MDN1: variants seen among roughly 807,000 people sequenced by gnomAD.
MDN1 encodes the protein midasin.
In MDN1, 266 loss-of-function variants were observed where a neutral mutation model predicts 669.2. The observed-to-expected ratio is 0.40, with a 90% confidence interval of 0.36 to 0.44. The LOEUF (loss-of-function observed/expected upper bound fraction) is 0.44. Among genes scored for constraint, MDN1 ranks in the 20% least tolerant of loss-of-function variants. MDN1 has a pLI of 1.00. For synonymous variants in MDN1, 2,385 were observed against 2,457.1 expected, an observed-to-expected ratio of 0.97 and a Z score of 0.87; for missense variants, 5,940 against 6,754.0, an observed-to-expected ratio of 0.88 and a Z score of 4.22.
In MDN1 at chr6:89,688,805, A is replaced by T. The variant is rs1584193583; in HGVS notation, c.11027T>A (p.Val3676Asp). ...GCCCAAGAGTCGGTCATTCAGTTCA[A>T]CTCCTGTGAAGTTAACATCACGGTA... ...LVTHFYPLMG[V>D]ELNDRLLGSQ... Residue 3676 changes from valine (V) to aspartate (D), a missense_variant, in exon 66 of 102, where the codon GTT becomes GAT. Physicochemically the swap from Val to Asp is radical, Grantham distance 152. Coordinates refer to ENST00000369393, the MANE Select transcript of MDN1 (RefSeq NM_014611.3). 1.2e-6 allele frequency: 2 copies of T among 1,613,154 alleles called. No homozygotes were observed. Among genetic ancestry groups the T allele is most frequent in the Non-Finnish European group, 1.7e-6 (2 of 1,179,270 alleles).
At chr6:89,704,368 C>T (rs898816641) in intron 53 of MDN1, among the ~76,000 whole-genome samples, 1 of 152,096 alleles carries the variant, frequency 6.6e-6, no homozygotes, top group South Asian at 2.1e-4. Context: ...GGCGACAGAG[C>T]GAGACTCTGT....
At chr6:89,658,136 GAATGTGA>G in intron 90 of MDN1, 66 bp downstream of exon 90, 1 of 1,563,886 alleles carries the variant, frequency 6.4e-7, no homozygotes, top group Non-Finnish European at 8.8e-7. Flanking sequence ...ATGCTACACA[GAATGTGA>G]TGTCGGACAG....
intron 51 of MDN1, 61 bp from the exon 52 acceptor site, chr6:89,707,537 T>C: frequency 9.4e-7 from 1 of 1,066,566 alleles, no homozygotes; most frequent in Non-Finnish European, 1.5e-6. Flanking sequence ...TTCAATCATA[T>C]CCTCTATTTG....
intron 1 of MDN1, among the ~76,000 whole-genome samples, chr6:89,813,494 T>C (rs906001567): frequency 6.9e-6 from 1 of 145,342 alleles, no homozygotes; most frequent in African/African-American, 2.6e-5. Flanking sequence ...GAGGTTGAAG[T>C]GAGCCAAGAT....
intron 1 of MDN1, among the ~76,000 whole-genome samples, chr6:89,812,110 C>T (rs1291833140): frequency 1.3e-5 from 2 of 151,822 alleles, no homozygotes; most frequent in Admixed American, 6.6e-5. Flanking sequence ...CTCAGCCTCC[C>T]GAGTAGCTGG....
At chr6:89,747,211 T>C (rs1816681479) in intron 27 of MDN1, 118 bp downstream of exon 27, 2 of 1,167,640 alleles carry the variant, frequency 1.7e-6, no homozygotes, top group Non-Finnish European at 2.4e-6. Flanking sequence ...GGAAACAGGC[T>C]CTCTGGAATA....
intron 95 of MDN1, 74 bp downstream of exon 95, chr6:89,652,118 A>T: frequency 8.5e-7 from 1 of 1,174,400 alleles, no homozygotes; most frequent in Non-Finnish European, 1.2e-6. Flanking sequence ...AGAACCTATT[A>T]AGTTTGCTAT....
intron 83 of MDN1, among the ~76,000 whole-genome samples, chr6:89,668,523 T>C (rs542204288): frequency 6.6e-6 from 1 of 152,088 alleles, no homozygotes; most frequent in East Asian, 1.9e-4. Context: ...GACATAGTAA[T>C]AACTGTGAAA....
In MDN1 at chr6:89,650,218, C is replaced by A. The variant is rs760447777; in HGVS notation, c.16032-20G>T. 41 of 1,595,398 alleles carry A rather than the reference C, an allele frequency of 2.6e-5. No homozygotes were observed. In the East Asian group the frequency reaches 8.1e-4, roughly 31 times the overall value. ...TCTCCTCTATTTATTCAAATGGGGG[C>A]AAAAATTAGTTAACAACTTTTAATT... On this transcript the variant is annotated intron_variant, in intron 96 of 101. Transcript: ENST00000369393.
At chr6:89,792,206 T>C (rs1483412724) in intron 5 of MDN1, among the ~76,000 whole-genome samples, 3 of 151,880 alleles carry the variant, frequency 2.0e-5, no homozygotes, top group Admixed American at 6.6e-5. Flanking sequence ...CCAATATACA[T>C]GGGGGAAAAG....
chr6:89,778,494 T>C (rs1036013025), intron 11 of MDN1, among the ~76,000 whole-genome samples: 5 of 152,152 alleles, frequency 3.3e-5, no homozygotes, highest in African/African-American at 1.2e-4. Context: ...CAGGATTTAC[T>C]ATTATAATAC....
chr6:89,670,172 T>A (rs9451259), intron 83 of MDN1, among the ~76,000 whole-genome samples: 138 of 33,594 alleles, frequency 4.1e-3, no homozygotes, highest in Middle Eastern at 0.012. Flanking sequence ...ATATATATAT[T>A]TTTTTTTTTT....
Position 89,762,509 on chromosome 6 carries a change from C to A in MDN1, c.2166G>T (p.Lys722Asn). 1 of 1,613,458 alleles carries A rather than the reference C, an allele frequency of 6.2e-7. No homozygotes were observed. The highest frequency in any genetic ancestry group is 1.1e-5 in the South Asian group (1 of 91,040). The change falls in exon 16 of 102, where the codon AAG becomes AAT. Residue 722 changes from lysine (K) to asparagine (N), a missense_variant. By Grantham distance (94) the Lys-to-Asn change is moderately conservative. This residue lies in a region of MDN1 where 1,203 missense variants were observed against 1,268.9 expected (regional missense o/e 0.95). Transcript: ENST00000369393. ...CCTCCCGTAAGGGTAGCCAAATAAG[C>A]TTATGGTCCACCGGTTTATAACTGA... ...LLGGYKPVDH[K>N]LIWLPLREAF...
chr6:89,644,716 AATG>A (rs2128296968), intron 101 of MDN1, among the ~76,000 whole-genome samples: 2 of 152,326 alleles, frequency 1.3e-5, no homozygotes, highest in African/African-American at 4.8e-5. Context: ...CATAGAGGGA[AATG>A]ATGACCCACA....
intron 27 of MDN1, 33 bp downstream of exon 27, chr6:89,747,296 C>G: frequency 6.2e-7 from 1 of 1,602,218 alleles, no homozygotes; most frequent in East Asian, 2.2e-5. Context: ...TTTAACATAA[C>G]TATATATTGA....
chr6:89,721,310 C>T (rs537739041), intron 40 of MDN1, among the ~76,000 whole-genome samples: 1 of 152,294 alleles, frequency 6.6e-6, no homozygotes, highest in Non-Finnish European at 1.5e-5. Context: ...AAGCCTAACT[C>T]AAGCCATTGG....
Position 89,719,181 on chromosome 6 carries a change from T to G in MDN1, c.6012A>C (p.Pro2004=), listed in dbSNP as rs1814640073. 1.1e-5 allele frequency: 17 copies of G among 1,613,868 alleles called. No homozygotes were observed. Among genetic ancestry groups the G allele is most frequent in the Non-Finnish European group, 1.4e-5 (16 of 1,179,858 alleles). Residue 2004 remains proline (P), a synonymous_variant, in exon 41 of 102, where the codon CCA becomes CCC. Coordinates refer to ENST00000369393, the MANE Select transcript of MDN1 (RefSeq NM_014611.3). ...TACGAAATAGTCTGGTTCCCATGTA[T>G]GGGTTGGAATTTGAACCAAACACAT... ...FKDVFGSNSN[P]YMGTRLFRIT... is the part of the protein sequence containing the mutation.
intron 61 of MDN1, 57 bp from the exon 62 acceptor site, chr6:89,694,240 G>C: frequency 2.8e-6 from 4 of 1,427,950 alleles, no homozygotes; most frequent in Non-Finnish European, 4.0e-6. Flanking sequence ...ATGCACATGA[G>C]GACAATGTCC....
At chr6:89,807,848 A>C (rs1353763965) in intron 1 of MDN1, among the ~76,000 whole-genome samples, 2 of 152,120 alleles carry the variant, frequency 1.3e-5, no homozygotes, top group East Asian at 3.8e-4. Context: ...CTAATCTTCA[A>C]TGAGGCCTAT....
Sources: allele counts gnomAD v4.1 joint callset (sites outside exome capture counted in the v4.1 genomes callset), GRCh38; gene constraint gnomAD v4.1.1; regional missense constraint gnomAD v4.1.1; transcripts MANE v1.5; gene names NCBI Gene and HGNC (gene_info 2026-07-23, HGNC 2026-07-21).